GAB2: variants seen among roughly 807,000 people sequenced by gnomAD.
GAB2 encodes the protein GRB2-associated-binding protein 2.
In GAB2, 26 loss-of-function variants were observed where a neutral mutation model predicts 65.5. That is an observed-to-expected ratio of 0.40 (90% CI 0.29 to 0.55). The LOEUF (loss-of-function observed/expected upper bound fraction) is 0.55. Among genes scored for constraint, GAB2 ranks in the 20% least tolerant of loss-of-function variants. GAB2 has a pLI of 0.53. For missense variants in GAB2, 884 were observed against 875.8 expected (o/e 1.01, Z -0.12); for synonymous variants, 321 against 329.6 (o/e 0.97, Z 0.28).
chr11:78,304,132 T>C (rs991686059), intron 1 of GAB2, among the ~76,000 whole-genome samples: 2 of 152,142 alleles, frequency 1.3e-5, no homozygotes, highest in African/African-American at 4.8e-5. Flanking sequence ...GTGTCTTTTA[T>C]AGAATTTCAT....
chr11:78,360,146 T>A (rs1163540019), intron 1 of GAB2, among the ~76,000 whole-genome samples: 1 of 152,080 alleles, frequency 6.6e-6, no homozygotes, highest in African/African-American at 2.4e-5. Context: ...GGCAAAAGAT[T>A]TTCCCCAGTG....
At chr11:78,398,723 C>T (rs1385766751) in intron 1 of GAB2, among the ~76,000 whole-genome samples, 1 of 152,072 alleles carries the variant, frequency 6.6e-6, no homozygotes, top group Non-Finnish European at 1.5e-5. Context: ...CAATTAGCAC[C>T]CTTAGTGCCC....
intron 3 of GAB2, among the ~76,000 whole-genome samples, chr11:78,240,184 G>A (rs983089870): frequency 1.3e-5 from 2 of 151,960 alleles, no homozygotes; most frequent in Non-Finnish European, 2.9e-5. Context: ...CCTAGGAAAC[G>A]GTGCACTGAC....
intron 1 of GAB2, among the ~76,000 whole-genome samples, chr11:78,411,237 T>C (rs1425451311): frequency 6.6e-6 from 1 of 152,108 alleles, no homozygotes; most frequent in Non-Finnish European, 1.5e-5. Flanking sequence ...AATAAATTCA[T>C]GGACTGGAAG....
intron 1 of GAB2, among the ~76,000 whole-genome samples, chr11:78,380,045 A>C (rs1022637635): frequency 6.6e-6 from 1 of 152,248 alleles, no homozygotes; most frequent in Non-Finnish European, 1.5e-5. Context: ...AAGTAGTTTT[A>C]GAAATTTCTT....
intron 1 of GAB2, among the ~76,000 whole-genome samples, chr11:78,415,393 C>T (rs929361390): frequency 2.0e-5 from 3 of 152,048 alleles, no homozygotes; most frequent in African/African-American, 2.4e-5. Flanking sequence ...CTAATGAACT[C>T]GGGCCTCTAC....
chr11:78,255,876 T>C (rs1355628576), intron 2 of GAB2, among the ~76,000 whole-genome samples: 2 of 152,198 alleles, frequency 1.3e-5, no homozygotes, highest in African/African-American at 4.8e-5. Context: ...AGCGACATGG[T>C]GTGCTACATG....
At chr11:78,299,171 A>G (rs1199806126) in intron 1 of GAB2, among the ~76,000 whole-genome samples, 1 of 152,188 alleles carries the variant, frequency 6.6e-6, no homozygotes, top group African/African-American at 2.4e-5. Flanking sequence ...GCCTTGACTT[A>G]GTGACCTGCA....
In GAB2 at chr11:78,216,222, T is replaced by G. The variant is rs1033318658; in HGVS notation, c.*3050A>C. ...CTATTTCTCATCGTTCTCACTTGAC[T>G]TAACCTTGCAGAAGTGGAGCTGGAA... On this transcript the variant is annotated 3_prime_UTR_variant, in exon 10 of 10. Transcript: ENST00000361507. 6.6e-6 allele frequency: 1 copy of G among 152,416 alleles called. No homozygotes were observed. The highest frequency in any genetic ancestry group is 2.4e-5 in the African/African-American group (1 of 41,456). 9.4% of individuals were successfully genotyped at this position (152,416 alleles called of 1,614,324 possible).
intron 3 of GAB2, among the ~76,000 whole-genome samples, chr11:78,227,366 A>T (rs1262378947): frequency 6.6e-6 from 1 of 152,214 alleles, no homozygotes; most frequent in African/African-American, 2.4e-5. Context: ...ATTCGAACAC[A>T]AATGTTGTGA....
At chr11:78,408,804 T>C (rs759203289) in intron 1 of GAB2, among the ~76,000 whole-genome samples, 4 of 152,218 alleles carry the variant, frequency 2.6e-5, no homozygotes, top group Non-Finnish European at 4.4e-5. Context: ...CCCCTCACTC[T>C]CTTCCTCCTG....
At chr11:78,326,925 A>C (rs951827702) in intron 1 of GAB2, among the ~76,000 whole-genome samples, 1 of 152,220 alleles carries the variant, frequency 6.6e-6, no homozygotes, top group African/African-American at 2.4e-5. Flanking sequence ...AGAAGTAGGA[A>C]AGCCAGAAAG....
In GAB2 at chr11:78,312,396, C is replaced by T. The variant is rs543942252; in HGVS notation, c.76-31495G>A. Among the ~76,000 whole-genome samples the T allele has an allele frequency of 2.0e-5, 3 of 152,202 alleles. No individual in the cohort carries two copies. In the South Asian group the frequency reaches 6.2e-4, roughly 32 times the overall value. ...AGAGTTCATTCCATCCTTACAACAT[C>T]CTGTGAGTTGTTACTATTATTATCC... On this transcript the variant is annotated intron_variant, in intron 1 of 9. Transcript: ENST00000361507.
chr11:78,306,456 T>C (rs914019157), intron 1 of GAB2, among the ~76,000 whole-genome samples: 1 of 152,212 alleles, frequency 6.6e-6, no homozygotes, highest in Non-Finnish European at 1.5e-5. Flanking sequence ...GGTCGTGAAC[T>C]CCTGAGCTCA....
intron 2 of GAB2, among the ~76,000 whole-genome samples, chr11:78,271,121 A>G (rs561083484): frequency 3.6e-4 from 55 of 152,360 alleles, no homozygotes; most frequent in African/African-American, 1.3e-3. Flanking sequence ...TCCTGAGCAC[A>G]TGAATAATTC....
At chr11:78,354,828 CTT>C (rs761783630) in intron 1 of GAB2, among the ~76,000 whole-genome samples, 1 of 152,164 alleles carries the variant, frequency 6.6e-6, no homozygotes, top group African/African-American at 2.4e-5. Flanking sequence ...TGGGGCTAGT[CTT>C]TTCCTTAATG....
intron 1 of GAB2, among the ~76,000 whole-genome samples, chr11:78,346,697 A>T (rs1565168155): frequency 3.2e-5 from 3 of 93,086 alleles, no homozygotes; most frequent in African/African-American, 2.2e-4. Context: ...ATATATATAT[A>T]TATATATATA....
At chr11:78,384,371 TC>T (rs1856738707) in intron 1 of GAB2, among the ~76,000 whole-genome samples, 1 of 152,190 alleles carries the variant, frequency 6.6e-6, no homozygotes, top group South Asian at 2.1e-4. Flanking sequence ...TTCCGGAGCT[TC>T]CATTATCATG....
At chr11:78,258,387 T>C (rs1865649132) in intron 2 of GAB2, among the ~76,000 whole-genome samples, 1 of 152,146 alleles carries the variant, frequency 6.6e-6, no homozygotes, top group Admixed American at 6.5e-5. Flanking sequence ...AAATTGCAAA[T>C]TGATAAGCAT....
Sources: allele counts gnomAD v4.1 joint callset (sites outside exome capture counted in the v4.1 genomes callset), GRCh38; gene constraint gnomAD v4.1.1; transcripts MANE v1.5; gene names NCBI Gene and HGNC (gene_info 2026-07-23, HGNC 2026-07-21).